Variants in STON2 observed in about 807,000 individuals in gnomAD.
STON2 encodes the protein stonin-2.
In STON2, 29 loss-of-function variants were observed where a neutral mutation model predicts 65.7. The observed-to-expected ratio is 0.44, with a 90% CI of 0.33 to 0.60. The LOEUF is 0.60. STON2 is among the 20% of genes least tolerant of loss of function. The pLI, the probability that STON2 is intolerant of heterozygous loss-of-function variation, is 0.03. For synonymous variants in STON2, 404 were observed against 414.2 expected, an observed-to-expected ratio of 0.98 and a Z score of 0.30; for missense variants, 1,054 against 1,118.1, an observed-to-expected ratio of 0.94 and a Z score of 0.82.
In STON2 at chr14:81,267,173, G is replaced by A; in HGVS notation, c.*1241C>T. The stretch of plus-strand genomic sequence containing the variant: ...AGATACAAATAAGAAGCAGAGGTGA[G>A]TAGGAACGGATGAAGGAAAAGAAGA... On this transcript the variant is annotated 3_prime_UTR_variant, in exon 8 of 8. Coordinates refer to ENST00000614646, the MANE Select transcript of STON2 (RefSeq NM_001394390.1). 1 of 985,384 alleles carries A rather than the reference G, an allele frequency of 1.0e-6. No homozygotes were observed. The highest frequency in any genetic ancestry group is 1.2e-6 in the Non-Finnish European group (1 of 829,930). The allele number at this position is 985,384 out of a possible 1,614,324, so 61.0% of individuals were successfully genotyped here.
chr14:81,285,330 A>G (rs1895291932), intron 5 of STON2, among the ~76,000 whole-genome samples: 1 of 152,232 alleles, frequency 6.6e-6, no homozygotes. Flanking sequence ...GGAGTTTGTA[A>G]AAGTTGATTC....
At chr14:81,414,782 A>G (rs77989295) in intron 2 of STON2, among the ~76,000 whole-genome samples, 3,275 of 152,290 alleles carry the variant, frequency 0.022, 56 homozygotes, top group Non-Finnish European at 0.032. Flanking sequence ...TATTGATTAA[A>G]AGAGTAATTA....
chr14:81,407,309 T>C (rs949900366), intron 2 of STON2, among the ~76,000 whole-genome samples: 1 of 152,180 alleles, frequency 6.6e-6, no homozygotes, highest in Admixed American at 6.5e-5. Context: ...TGAAAATTAA[T>C]TGGAAATTTT....
rs1359983586 is a variant in STON2 at position 81,266,391 on chromosome 14, T to C, written c.*2023A>G. On this transcript the variant is annotated 3_prime_UTR_variant, in exon 8 of 8. Coordinates refer to ENST00000614646, the MANE Select transcript of STON2 (RefSeq NM_001394390.1). ...TGAAGCTACACAGAATAAATCTAAT[T>C]CCTCTTCCTTTTCATAGCTCAATAG... 2.0e-5 allele frequency among the ~76,000 whole-genome samples: 3 copies of C among 152,172 alleles called. No homozygotes were observed. The highest frequency in any genetic ancestry group is 7.2e-5 in the African/African-American group (3 of 41,444).
chr14:81,311,628 G>A (rs1350350686), intron 5 of STON2, among the ~76,000 whole-genome samples: 1 of 152,182 alleles, frequency 6.6e-6, no homozygotes, highest in Non-Finnish European at 1.5e-5. Flanking sequence ...ATCGCTGCTA[G>A]TTGTACAGTT....
intron 2 of STON2, among the ~76,000 whole-genome samples, chr14:81,420,601 G>T (rs115485750): frequency 6.6e-6 from 1 of 152,142 alleles, no homozygotes; most frequent in Non-Finnish European, 1.5e-5. Context: ...AGTGCGATGG[G>T]TGCATAGGAG....
chr14:81,353,294 A>C (rs546527089), intron 4 of STON2, among the ~76,000 whole-genome samples: 14 of 152,336 alleles, frequency 9.2e-5, no homozygotes, highest in African/African-American at 3.4e-4. Flanking sequence ...TCAGTGAGCA[A>C]ATACACTTAA....
chr14:81,358,842 T>C (rs1020363875), intron 4 of STON2, among the ~76,000 whole-genome samples: 3 of 152,070 alleles, frequency 2.0e-5, no homozygotes, highest in Non-Finnish European at 4.4e-5. Flanking sequence ...GAGAATACAA[T>C]GATTATAAAT....
At position 81,278,135 on chromosome 14, in the gene STON2, G is replaced by A. The variant is rs777872186; in HGVS notation, c.1347C>T (p.Asp449=). 6.2e-7 allele frequency: 1 copy of A among 1,614,182 alleles called. No individual in the cohort carries two copies. The highest frequency in any genetic ancestry group is 1.7e-5 in the Admixed American group (1 of 60,030). ...GAGTTGCACTGCCAAAGTGATCAGG[G>A]TCATCAATTTGGAGTTGTTTGAGTT... ...VEKLKQLQID[D]PDHFGSATLP... is the part of the protein sequence containing the mutation. Residue 449 remains aspartate, a synonymous_variant, in exon 6 of 8, where the codon GAC becomes GAT. Coordinates refer to ENST00000614646, the MANE Select transcript of STON2 (RefSeq NM_001394390.1).
intron 5 of STON2, among the ~76,000 whole-genome samples, chr14:81,282,460 C>A (rs1292357876): frequency 6.6e-6 from 1 of 151,948 alleles, no homozygotes; most frequent in Non-Finnish European, 1.5e-5. Flanking sequence ...TAAATCCTAC[C>A]AGACAAATAA....
intron 5 of STON2, among the ~76,000 whole-genome samples, chr14:81,312,262 T>C (rs1252319042): frequency 2.6e-5 from 4 of 152,140 alleles, no homozygotes; most frequent in Admixed American, 1.3e-4. Flanking sequence ...ACTGTGTCTG[T>C]GGGTGCTGGC....
In STON2 at chr14:81,268,131, A is replaced by T. The variant is rs1006650917; in HGVS notation, c.*283T>A. The T allele has an allele frequency of 4.7e-6, 5 of 1,064,828 alleles. No homozygotes were observed. The highest frequency in any genetic ancestry group is 3.4e-6 in the Non-Finnish European group (3 of 877,702). The allele number at this position is 1,064,828 out of a possible 1,614,324, so 66.0% of individuals were successfully genotyped here. A position where few individuals can be genotyped will look rare whatever the true frequency, so the allele number is the denominator to read the frequency against. On this transcript the variant is annotated 3_prime_UTR_variant, in exon 8 of 8. Transcript: ENST00000614646. ...CAGTGCTGTGAGATAAGCAGAGACA[A>T]GACAAGGAGGCTTAATTATACAGTA... is the stretch of plus-strand genomic sequence containing the variant.
At chr14:81,384,529 C>T (rs1034897453) in intron 3 of STON2, among the ~76,000 whole-genome samples, 2 of 152,316 alleles carry the variant, frequency 1.3e-5, no homozygotes, top group Admixed American at 1.3e-4. Flanking sequence ...AGCCATCGCG[C>T]CCAGCCCCTA....
intron 5 of STON2, among the ~76,000 whole-genome samples, chr14:81,309,273 C>T (rs1455192550): frequency 6.6e-6 from 1 of 151,686 alleles, no homozygotes; most frequent in Admixed American, 6.6e-5. Context: ...TTTAAACAAA[C>T]AAGGAGGTAC....
upstream of STON2, among the ~76,000 whole-genome samples, chr14:81,403,117 G>T (rs989730738): frequency 6.6e-6 from 1 of 152,164 alleles, no homozygotes; most frequent in Non-Finnish European, 1.5e-5. Context: ...TATTCCTGAT[G>T]AACTGAGTTA....
chr14:81,320,060 C>A (rs1896766798), intron 5 of STON2, among the ~76,000 whole-genome samples: 1 of 152,150 alleles, frequency 6.6e-6, no homozygotes, highest in Non-Finnish European at 1.5e-5. Context: ...TAGGCCCACT[C>A]AAGTGTCTGA....
At chr14:81,396,267 G>A in intron 2 of STON2, 89 bp from the exon 3 acceptor site, 1 of 1,348,302 alleles carries the variant, frequency 7.4e-7, no homozygotes, top group Non-Finnish European at 1.0e-6. Context: ...ATGACCATGG[G>A]GTGCCCGCAT....
intron 4 of STON2, chr14:81,333,096 G>T: frequency 1.1e-6 from 1 of 884,786 alleles, no homozygotes; most frequent in Non-Finnish European, 1.8e-6. Context: ...GTCTATGTTT[G>T]GATTCATATT....
chr14:81,389,988 C>T (rs1284412359), intron 3 of STON2, among the ~76,000 whole-genome samples: 1 of 151,778 alleles, frequency 6.6e-6, no homozygotes, highest in Non-Finnish European at 1.5e-5. Context: ...CGAGGTGGGC[C>T]GATCATTTGA....
Sources: allele counts gnomAD v4.1 joint callset (sites outside exome capture counted in the v4.1 genomes callset), GRCh38; gene constraint gnomAD v4.1.1; transcripts MANE v1.5; gene names NCBI Gene and HGNC (gene_info 2026-07-23, HGNC 2026-07-21).